STX6: variants seen among roughly 807,000 people sequenced by gnomAD.
STX6 encodes the protein syntaxin 6.
In STX6, 23 loss-of-function variants were observed where a neutral mutation model predicts 38.0. The observed-to-expected ratio is 0.60, with a 90% CI of 0.43 to 0.86. The LOEUF (loss-of-function observed/expected upper bound fraction) is 0.86, where lower values mean the gene tolerates loss of function less well. Ranked by LOEUF, STX6 falls within the 40% of genes least tolerant of loss-of-function variation. The pLI is 0.00. For synonymous variants in STX6, 123 were observed against 107.5 expected, an observed-to-expected ratio of 1.14 and a Z score of -0.89; for missense variants, 274 against 312.9, an observed-to-expected ratio of 0.88 and a Z score of 0.94.
At chr1:181,008,733 T>TTTTTG (rs1459334962) in intron 1 of STX6, among the ~76,000 whole-genome samples, 26 of 150,532 alleles carry the variant, frequency 1.7e-4, no homozygotes, top group African/African-American at 6.1e-4. Flanking sequence ...AATTGTTTTT[T>TTTTTG]TTTTTTTTTT....
intron 1 of STX6, among the ~76,000 whole-genome samples, chr1:181,013,685 T>C (rs1656473451): frequency 6.6e-6 from 1 of 152,196 alleles, no homozygotes; most frequent in South Asian, 2.1e-4. Context: ...AATTTAGTGG[T>C]GTAAAACAAC....
At chr1:180,981,623 T>G (rs1298242549) in intron 7 of STX6, among the ~76,000 whole-genome samples, 1 of 152,062 alleles carries the variant, frequency 6.6e-6, no homozygotes, top group East Asian at 1.9e-4. Flanking sequence ...CTTCCACAAC[T>G]GTATTAAGTA....
At chr1:181,021,416 TAAG>T (rs1360274036) in intron 1 of STX6, among the ~76,000 whole-genome samples, 6 of 152,206 alleles carry the variant, frequency 3.9e-5, no homozygotes, top group Non-Finnish European at 5.9e-5. Flanking sequence ...AGGGAAATAT[TAAG>T]AAGTAGTATA....
intron 6 of STX6, among the ~76,000 whole-genome samples, chr1:180,985,022 G>C (rs1655530320): frequency 6.6e-6 from 1 of 152,168 alleles, no homozygotes; most frequent in Non-Finnish European, 1.5e-5. Flanking sequence ...ACCACCAGGA[G>C]GGTCTGGGGC....
intron 1 of STX6, among the ~76,000 whole-genome samples, chr1:181,008,759 G>A (rs1332747685): frequency 1.1e-5 from 1 of 95,080 alleles, no homozygotes; most frequent in African/African-American, 4.3e-5. Context: ...TAAACAAAAG[G>A]CTCTAATTTT....
Position 180,972,825 on chromosome 1 carries a change from C to T in STX6, c.*3745G>A, listed in dbSNP as rs1444677047. 1 of 231,574 alleles carries T rather than the reference C, an allele frequency of 4.3e-6. No homozygotes were observed. The highest frequency in any genetic ancestry group is 2.3e-5 in the African/African-American group (1 of 43,188). 14.3% of individuals were successfully genotyped at this position (231,574 alleles called of 1,614,324 possible). Reference sequence around the variant, plus strand: ...AGCTGAGTTACTCTGATCGGAGCTACTGAAAGGTACCTGCTTTCAGCAAAT... The same window carrying T: ...AGCTGAGTTACTCTGATCGGAGCTATTGAAAGGTACCTGCTTTCAGCAAAT... On this transcript the variant is annotated 3_prime_UTR_variant, in exon 8 of 8. Transcript: ENST00000258301.
chr1:181,012,672 CTT>C (rs58296301), intron 1 of STX6, among the ~76,000 whole-genome samples: 38 of 118,874 alleles, frequency 3.2e-4, no homozygotes, highest in African/African-American at 6.4e-4. Flanking sequence ...TTCTTCCATT[CTT>C]TTTTTTTTTT....
chr1:180,984,104 ACT>A (rs1186735462), intron 7 of STX6, among the ~76,000 whole-genome samples: 1 of 147,048 alleles, frequency 6.8e-6, no homozygotes, highest in East Asian at 2.0e-4. Context: ...AACGAAAGTG[ACT>A]CTACTGGGAA....
chr1:180,982,481 A>G (rs1571325780), intron 7 of STX6, among the ~76,000 whole-genome samples: 1 of 152,182 alleles, frequency 6.6e-6, no homozygotes, highest in Admixed American at 6.5e-5. Context: ...TGCTTCCCCA[A>G]TTTTTCTTTT....
chr1:180,979,155 T>C (rs1447511450), intron 7 of STX6, among the ~76,000 whole-genome samples: 1 of 152,066 alleles, frequency 6.6e-6, no homozygotes, highest in Non-Finnish European at 1.5e-5. Context: ...AAATGAAGAA[T>C]GCCCCTAATG....
At chr1:181,009,883 T>C (rs926139561) in intron 1 of STX6, among the ~76,000 whole-genome samples, 4 of 152,202 alleles carry the variant, frequency 2.6e-5, no homozygotes, top group Non-Finnish European at 5.9e-5. Context: ...AACAGAATAC[T>C]ATTCAGCAAT....
intron 6 of STX6, among the ~76,000 whole-genome samples, chr1:180,985,031 G>C (rs1571328450): frequency 6.6e-6 from 1 of 152,168 alleles, no homozygotes; most frequent in African/African-American, 2.4e-5. Flanking sequence ...AGGGTCTGGG[G>C]CAGTCCCCGT....
intron 6 of STX6, among the ~76,000 whole-genome samples, chr1:180,985,155 C>A (rs201191950): frequency 3.3e-5 from 5 of 149,312 alleles, no homozygotes; most frequent in Non-Finnish European, 1.5e-5. Context: ...AAAAAAAAAA[C>A]AACGAGATTT....
intron 7 of STX6, among the ~76,000 whole-genome samples, chr1:180,981,252 AGG>A (rs1307750579): frequency 1.3e-5 from 2 of 152,110 alleles, no homozygotes; most frequent in African/African-American, 4.8e-5. Context: ...GTCAATAGTC[AGG>A]GAAGTTATGC....
intron 7 of STX6, 25 bp from the exon 8 acceptor site, chr1:180,976,671 G>A (rs1312128473): frequency 6.2e-7 from 1 of 1,606,172 alleles, no homozygotes; most frequent in African/African-American, 1.3e-5. Context: ...ATGGGGATTA[G>A]CTCTCACAGG....
intron 6 of STX6, among the ~76,000 whole-genome samples, chr1:180,985,195 A>G (rs189725355): frequency 3.9e-5 from 6 of 152,338 alleles, no homozygotes; most frequent in African/African-American, 1.4e-4. Flanking sequence ...TCAGAACTGC[A>G]AGACTATAGA....
rs1655190663 is a variant in STX6 at position 180,974,155 on chromosome 1, G to A, written c.*2415C>T. The A allele has an allele frequency of 6.6e-6, 1 of 152,224 alleles. No individual in the cohort carries two copies. The highest frequency in any genetic ancestry group is 2.4e-5 in the African/African-American group (1 of 41,436). 9.4% of individuals were successfully genotyped at this position (152,224 alleles called of 1,614,324 possible). ...ATTGTTCTCTTTGGCTGCCACATTTGGAGCCTGAGTGGAGGCCCTTCAAAT... is the reference window on the plus strand; with the variant it reads ...ATTGTTCTCTTTGGCTGCCACATTTAGAGCCTGAGTGGAGGCCCTTCAAAT... On this transcript the variant is annotated 3_prime_UTR_variant, in exon 8 of 8. Coordinates refer to ENST00000258301, the MANE Select transcript of STX6 (RefSeq NM_005819.6).
rs1655223446 is a variant in STX6, at chr1:180,975,573, G to A, written c.*997C>T. ...CAGAGCTAACCTTTTATGTCATTACGTTTCTTAATAAATGTAATAAATGTA... is the reference window on the plus strand; with the variant it reads ...CAGAGCTAACCTTTTATGTCATTACATTTCTTAATAAATGTAATAAATGTA... On this transcript the variant is annotated 3_prime_UTR_variant, in exon 8 of 8. Coordinates refer to ENST00000258301, the MANE Select transcript of STX6 (RefSeq NM_005819.6). 1 of 152,484 alleles carries A rather than the reference G, an allele frequency of 6.6e-6. No individual in the cohort carries two copies. The highest frequency in any genetic ancestry group is 2.4e-5 in the African/African-American group (1 of 41,422). The allele number at this position is 152,484 out of a possible 1,614,324, so 9.4% of individuals were successfully genotyped here. A position where few individuals can be genotyped will look rare whatever the true frequency, so the allele number is the denominator to read the frequency against.
chr1:180,989,290 G>A (rs1335604520), intron 5 of STX6: 2 of 152,034 alleles, frequency 1.3e-5, no homozygotes, highest in East Asian at 1.9e-4. Context: ...TCAAGAGTTC[G>A]AGACCAGCCT....
Sources: allele counts gnomAD v4.1 joint callset (sites outside exome capture counted in the v4.1 genomes callset), GRCh38; gene constraint gnomAD v4.1.1; transcripts MANE v1.5; gene names NCBI Gene and HGNC (gene_info 2026-07-23, HGNC 2026-07-21).